ARHGAP42: variants seen among roughly 807,000 people sequenced by gnomAD.
ARHGAP42 encodes the protein Rho GTPase activating protein 42, also known as rho GTPase-activating protein 42.
Under a neutral mutation model 125.0 loss-of-function variants are expected in ARHGAP42, and 63 were observed. That is an observed-to-expected ratio of 0.50 (90% CI 0.41 to 0.62). ARHGAP42 has a LOEUF of 0.62. Ranked by LOEUF, ARHGAP42 falls within the 20% of genes least tolerant of loss-of-function variation. The pLI is 0.00. For synonymous variants in ARHGAP42, 339 were observed against 351.0 expected, an observed-to-expected ratio of 0.97 and a Z score of 0.38; for missense variants, 766 against 1,024.2, an observed-to-expected ratio of 0.75 and a Z score of 3.44.
intron 22 of ARHGAP42, among the ~76,000 whole-genome samples, chr11:100,983,798 T>A (rs1858604590): frequency 6.6e-6 from 1 of 152,130 alleles, no homozygotes; most frequent in African/African-American, 2.4e-5. Context: ...ACAGCCAGTG[T>A]TTGTTGGAAA....
intron 6 of ARHGAP42, among the ~76,000 whole-genome samples, chr11:100,926,302 G>C (rs1335298020): frequency 1.3e-5 from 2 of 152,218 alleles, no homozygotes; most frequent in African/African-American, 2.4e-5. Context: ...GTTACAGAAA[G>C]ATTGTTGGTT....
chr11:100,809,711 T>C (rs1290681916), intron 3 of ARHGAP42, among the ~76,000 whole-genome samples: 1 of 152,134 alleles, frequency 6.6e-6, no homozygotes, highest in Non-Finnish European at 1.5e-5. Flanking sequence ...TCCCAGCATT[T>C]TGGGAGGCCA....
chr11:100,942,668 TCATGG>T (rs1330436133), intron 9 of ARHGAP42, among the ~76,000 whole-genome samples: 5 of 152,124 alleles, frequency 3.3e-5, no homozygotes, highest in African/African-American at 1.2e-4. Context: ...GTGGCATAGA[TCATGG>T]CAGAGGTAAA....
intron 22 of ARHGAP42, among the ~76,000 whole-genome samples, chr11:100,982,581 G>A (rs1279148992): frequency 2.0e-5 from 3 of 152,140 alleles, no homozygotes; most frequent in Non-Finnish European, 1.5e-5. Context: ...CCATTATAAA[G>A]GCATGTGGAA....
chr11:100,893,855 G>C (rs1286502026), intron 4 of ARHGAP42, among the ~76,000 whole-genome samples: 3 of 151,928 alleles, frequency 2.0e-5, no homozygotes, highest in Non-Finnish European at 4.4e-5. Context: ...TTTATTTTAG[G>C]TTTTCTCTAG....
At chr11:100,830,314 T>C (rs1320753017) in intron 3 of ARHGAP42, among the ~76,000 whole-genome samples, 1 of 152,196 alleles carries the variant, frequency 6.6e-6, no homozygotes, top group Non-Finnish European at 1.5e-5. Flanking sequence ...AGTAGCAGTT[T>C]GGAAAAGGAT....
Position 100,883,269 on chromosome 11 carries a change from T to C in ARHGAP42, c.384+23644T>C, listed in dbSNP as rs148954097. Among the ~76,000 whole-genome samples the C allele has an allele frequency of 6.2e-3, 939 of 152,304 alleles. 9 individuals carry two copies. The highest frequency in any genetic ancestry group is 0.021 in the African/African-American group (892 of 41,580). ...ACTGAGCTATTGAAGGACAGATTAT[T>C]TATTCATTTTTGATATCCCTAGTGC... On this transcript the variant is annotated intron_variant, in intron 4 of 23. Transcript: ENST00000298815.
At chr11:100,695,227 G>T (rs1861255582) in intron 1 of ARHGAP42, among the ~76,000 whole-genome samples, 1 of 152,220 alleles carries the variant, frequency 6.6e-6, no homozygotes, top group Non-Finnish European at 1.5e-5. Flanking sequence ...TAACAGGGCA[G>T]TCAATGGAAA....
chr11:100,806,849 AT>A (rs2135052429), intron 3 of ARHGAP42, among the ~76,000 whole-genome samples: 1 of 150,930 alleles, frequency 6.6e-6, no homozygotes, highest in South Asian at 2.1e-4. Flanking sequence ...TTATTTATTT[AT>A]TTATTTATTT....
chr11:100,795,975 C>T (rs1470247190), intron 3 of ARHGAP42, among the ~76,000 whole-genome samples: 2 of 152,192 alleles, frequency 1.3e-5, no homozygotes, highest in Non-Finnish European at 1.5e-5. Context: ...ATTATATACA[C>T]ATATACAGCC....
intron 1 of ARHGAP42, among the ~76,000 whole-genome samples, chr11:100,765,386 T>C (rs1426017034): frequency 6.6e-6 from 1 of 152,166 alleles, no homozygotes; most frequent in Non-Finnish European, 1.5e-5. Flanking sequence ...CTGGGGATTC[T>C]GGAGCTGGCG....
intron 12 of ARHGAP42, among the ~76,000 whole-genome samples, chr11:100,952,975 G>A (rs1360208120): frequency 1.3e-5 from 2 of 151,904 alleles, no homozygotes; most frequent in African/African-American, 4.8e-5. Context: ...CGAACTCCTC[G>A]GGTAAATTTG....
intron 21 of ARHGAP42, among the ~76,000 whole-genome samples, chr11:100,978,035 A>C (rs1211675248): frequency 6.6e-6 from 1 of 152,176 alleles, no homozygotes; most frequent in Non-Finnish European, 1.5e-5. Flanking sequence ...TTACAGTGGT[A>C]TAGGCAAATA....
chr11:100,972,433 G>A (rs767806392), intron 17 of ARHGAP42, among the ~76,000 whole-genome samples: 3 of 152,128 alleles, frequency 2.0e-5, no homozygotes, highest in Non-Finnish European at 4.4e-5. Flanking sequence ...TGATTGTCAA[G>A]CCAGCAATGA....
At chr11:100,819,207 A>T (rs1480565137) in intron 3 of ARHGAP42, among the ~76,000 whole-genome samples, 1 of 152,148 alleles carries the variant, frequency 6.6e-6, no homozygotes, top group African/African-American at 2.4e-5. Flanking sequence ...TATTGTTAGT[A>T]TTTAGAACGG....
At chr11:100,708,982 A>G (rs11224402) in intron 1 of ARHGAP42, among the ~76,000 whole-genome samples, 9,471 of 152,224 alleles carry the variant, frequency 0.062, 418 homozygotes, top group East Asian at 0.21. Context: ...CTGTCTCTCA[A>G]ATACCTTGTA....
chr11:100,941,988 A>G, intron 9 of ARHGAP42, 104 bp downstream of exon 9: 1 of 872,154 alleles, frequency 1.1e-6, no homozygotes. Context: ...ACATGTACAC[A>G]TTTACAAAAA....
intron 1 of ARHGAP42, among the ~76,000 whole-genome samples, chr11:100,720,515 GA>G (rs11304346): frequency 0.016 from 2,454 of 152,028 alleles, 80 homozygotes; most frequent in African/African-American, 0.056. Flanking sequence ...TCTCATGGGG[GA>G]AAAAGGCCCA....
At chr11:100,948,704 C>T (rs1416466323) in intron 11 of ARHGAP42, among the ~76,000 whole-genome samples, 169 bp downstream of exon 11, 1 of 151,986 alleles carries the variant, frequency 6.6e-6, no homozygotes, top group Non-Finnish European at 1.5e-5. Context: ...CACTCATGGC[C>T]CATAACTCTA....
Sources: gnomAD v4.1 joint callset for allele counts (sites outside exome capture counted in the v4.1 genomes callset) on GRCh38, gnomAD v4.1.1 for gene constraint, MANE v1.5 for transcripts, NCBI Gene and HGNC (gene_info 2026-07-23, HGNC 2026-07-21) for gene names.